Variants in KCTD1 observed in about 807,000 individuals in gnomAD.
The protein encoded by KCTD1 is BTB/POZ domain-containing protein KCTD1.
In KCTD1, 24 loss-of-function variants were observed where a neutral mutation model predicts 66.0. That is an observed-to-expected ratio of 0.36 (90% CI 0.26 to 0.51). The LOEUF is 0.51. KCTD1 is among the 20% of genes least tolerant of loss of function. The pLI is 0.95. For synonymous variants in KCTD1, 511 were observed against 517.2 expected (o/e 0.99, Z 0.16); for missense variants, 943 against 1,205.2 (o/e 0.78, Z 3.22).
intron 1 of KCTD1, chr18:26,599,281 T>C: frequency 1.3e-6 from 1 of 766,744 alleles, no homozygotes; most frequent in Non-Finnish European, 2.1e-6. Flanking sequence ...CCTTCTCCAT[T>C]GAATTGTTTG....
At chr18:26,521,567 A>G (rs1983912057) in intron 1 of KCTD1, among the ~76,000 whole-genome samples, 1 of 152,130 alleles carries the variant, frequency 6.6e-6, no homozygotes, top group South Asian at 2.1e-4. Flanking sequence ...AAAACAATAA[A>G]TTTTTCCTTA....
intron 1 of KCTD1, among the ~76,000 whole-genome samples, chr18:26,570,339 A>T (rs1213430990): frequency 6.6e-6 from 1 of 152,058 alleles, no homozygotes; most frequent in African/African-American, 2.4e-5. Flanking sequence ...AGGATGTTCC[A>T]GCCATACTCT....
chr18:26,505,237 A>G (rs1461208122), intron 1 of KCTD1, among the ~76,000 whole-genome samples: 3 of 152,246 alleles, frequency 2.0e-5, no homozygotes, highest in African/African-American at 7.2e-5. Flanking sequence ...GTCGTTCATC[A>G]TCGTCCTCAA....
chr18:26,473,563 T>TTAATAA (rs10551915), intron 3 of KCTD1, among the ~76,000 whole-genome samples: 9,694 of 146,648 alleles, frequency 0.066, 610 homozygotes, highest in East Asian at 0.31. Flanking sequence ...GAACTTAAAA[T>TTAATAA]TAATAATAAT....
chr18:26,632,782 C>T (rs925761818), upstream of KCTD1, among the ~76,000 whole-genome samples: 2 of 152,058 alleles, frequency 1.3e-5, no homozygotes, highest in Non-Finnish European at 2.9e-5. Flanking sequence ...AAAATTCAAT[C>T]TTAGTAAAGG....
chr18:26,456,939 A>C (rs1980121446), intron 4 of KCTD1: 1 of 150,730 alleles, frequency 6.6e-6, no homozygotes, highest in South Asian at 2.1e-4. Context: ...AAAAAAAAAC[A>C]AAACAAAAAA....
chr18:26,600,140 G>C, intron 1 of KCTD1: 1 of 1,608,300 alleles, frequency 6.2e-7, no homozygotes, highest in Non-Finnish European at 8.5e-7. Context: ...AGGAAGGCCT[G>C]TAAGAACTGC....
intron 1 of KCTD1, among the ~76,000 whole-genome samples, chr18:26,621,561 G>GCAGCT (rs1987385967): frequency 6.6e-6 from 1 of 152,126 alleles, no homozygotes; most frequent in Admixed American, 6.5e-5. Context: ...GAGGAAAGAA[G>GCAGCT]CAGCTCATCT....
chr18:26,578,056 T>C (rs1333912123), intron 1 of KCTD1, among the ~76,000 whole-genome samples: 1 of 128,032 alleles, frequency 7.8e-6, no homozygotes, highest in Non-Finnish European at 1.7e-5. Context: ...TTCTTTTCTT[T>C]CTTTTTTTTT....
intron 1 of KCTD1, among the ~76,000 whole-genome samples, chr18:26,568,952 A>G (rs1191210820): frequency 6.6e-6 from 1 of 152,214 alleles, no homozygotes; most frequent in African/African-American, 2.4e-5. Flanking sequence ...AATTTGATTT[A>G]AGAGGAAGGG....
intron 1 of KCTD1, among the ~76,000 whole-genome samples, chr18:26,650,736 T>C (rs1042150902): frequency 6.6e-6 from 1 of 152,246 alleles, no homozygotes; most frequent in African/African-American, 2.4e-5. Flanking sequence ...TCTGGGTCTT[T>C]TGTTTTACAC....
At chr18:26,615,366 G>A (rs954904592) in intron 1 of KCTD1, among the ~76,000 whole-genome samples, 2 of 152,212 alleles carry the variant, frequency 1.3e-5, no homozygotes, top group Admixed American at 6.5e-5. Flanking sequence ...CAGCATCAAT[G>A]AGGATATTTT....
At chr18:26,633,326 G>C (rs537913845), upstream of KCTD1, among the ~76,000 whole-genome samples, 14 of 152,180 alleles carry the variant, frequency 9.2e-5, no homozygotes, top group African/African-American at 2.9e-4. Flanking sequence ...ATTCCCCAGA[G>C]AGTAAAGTCT....
intron 1 of KCTD1, among the ~76,000 whole-genome samples, chr18:26,586,417 C>A (rs1986473311): frequency 6.6e-6 from 1 of 152,118 alleles, no homozygotes; most frequent in African/African-American, 2.4e-5. Flanking sequence ...CCTCAGTCTC[C>A]CTCCCTCTCC....
rs111993970 is a variant in KCTD1 at position 26,617,923 on chromosome 18, A to C, written c.-16+11224T>G. Among the ~76,000 whole-genome samples, 158 of 150,962 alleles carry C rather than the reference A, an allele frequency of 1.0e-3. 2 individuals are homozygous for C. Among genetic ancestry groups the C allele is most frequent in the Middle Eastern group, 3.4e-3 (1 of 294 alleles). ...GTAAGGGAGGGAGAGGGAAACAAAA[A>C]GAAGGAAAAAAAAAAAAGGAAGACA... On this transcript the variant is annotated intron_variant, in intron 1 of 4. Transcript: ENST00000317932.
At chr18:26,644,755 TAA>T (rs1317102079), upstream of KCTD1, among the ~76,000 whole-genome samples, 1 of 134,966 alleles carries the variant, frequency 7.4e-6, no homozygotes, top group Non-Finnish European at 1.6e-5. Flanking sequence ...AGACTCTGTC[TAA>T]AAAAAAAAAA....
At chr18:26,506,102 G>C (rs528906946) in intron 1 of KCTD1, among the ~76,000 whole-genome samples, 4 of 151,352 alleles carry the variant, frequency 2.6e-5, no homozygotes, top group African/African-American at 9.7e-5. Flanking sequence ...GGCTGGTCTC[G>C]AACTCTTGAG....
intron 1 of KCTD1, among the ~76,000 whole-genome samples, chr18:26,560,239 G>A (rs2082603316): frequency 6.6e-6 from 1 of 151,294 alleles, no homozygotes; most frequent in African/African-American, 2.4e-5. Flanking sequence ...TTTTGTGTAT[G>A]ACAAACATTC....
chr18:26,508,356 AAAG>A (rs780516668), intron 1 of KCTD1, among the ~76,000 whole-genome samples: 18 of 152,186 alleles, frequency 1.2e-4, no homozygotes, highest in African/African-American at 1.9e-4. Flanking sequence ...GCATCTTTCA[AAAG>A]AAGAAGAAGA....
Sources: allele counts gnomAD v4.1 joint callset (sites outside exome capture counted in the v4.1 genomes callset), GRCh38; gene constraint gnomAD v4.1.1; transcripts MANE v1.5; gene names NCBI Gene and HGNC (gene_info 2026-07-23, HGNC 2026-07-21).